Variants in FER observed in about 807,000 individuals in gnomAD.
The protein encoded by FER is FER tyrosine kinase.
A neutral mutation model predicts 111.0 loss-of-function variants in FER; 63 were observed. That is an observed-to-expected ratio of 0.57 (90% confidence interval 0.46 to 0.70). The LOEUF is 0.70. Among genes scored for constraint, FER ranks in the 30% least tolerant of loss-of-function variants. FER has a pLI of 0.00. For synonymous variants in FER, 327 were observed against 313.9 expected (o/e 1.04, Z -0.44); for missense variants, 914 against 954.0 (o/e 0.96, Z 0.55).
rs369414329 is a variant in FER, at chr5:109,155,801, A to T, written c.2049-24946A>T. 7.2e-5 allele frequency among the ~76,000 whole-genome samples: 11 copies of T among 152,074 alleles called. No homozygotes were observed. In the East Asian group the frequency reaches 1.7e-3, roughly 24 times the overall value. ...AAATGAAGCCAGCATGAACTCAAAA[A>T]CATTTCTTTCTCTTCATTTCCTGAG... On this transcript the variant is annotated intron_variant, in intron 17 of 19. Transcript: ENST00000281092.
At chr5:109,093,214 ATT>A (rs1318494276) in intron 16 of FER, among the ~76,000 whole-genome samples, 1 of 152,220 alleles carries the variant, frequency 6.6e-6, no homozygotes, top group Non-Finnish European at 1.5e-5. Context: ...TGGACTGTAC[ATT>A]TAAAAATTGT....
intron 13 of FER, among the ~76,000 whole-genome samples, chr5:108,986,495 G>A (rs1762591960): frequency 6.6e-6 from 1 of 151,774 alleles, no homozygotes; most frequent in African/African-American, 2.4e-5. Context: ...TTTGCTTTTG[G>A]GTTCTTGGTT....
chr5:108,778,677 T>C (rs2149988931), intron 2 of FER, among the ~76,000 whole-genome samples: 1 of 152,348 alleles, frequency 6.6e-6, no homozygotes, highest in Middle Eastern at 3.4e-3. Flanking sequence ...TAAATTGGGT[T>C]GTTTTCTTAT....
At chr5:109,017,204 G>C (rs1284107413) in intron 13 of FER, among the ~76,000 whole-genome samples, 2 of 151,960 alleles carry the variant, frequency 1.3e-5, no homozygotes, top group Non-Finnish European at 2.9e-5. Context: ...ATGTGAGCTT[G>C]AGAGGATTGC....
intron 2 of FER, among the ~76,000 whole-genome samples, chr5:108,789,020 T>TA (rs1755060258): frequency 6.6e-6 from 1 of 152,052 alleles, no homozygotes; most frequent in African/African-American, 2.4e-5. Flanking sequence ...TCTTATGTCT[T>TA]ATTAGCTCCC....
intron 5 of FER, among the ~76,000 whole-genome samples, chr5:108,857,830 C>T (rs181764597): frequency 4.9e-4 from 75 of 152,224 alleles, no homozygotes; most frequent in African/African-American, 1.7e-3. Context: ...CTATCATGCT[C>T]GGATTTGGCC....
At chr5:108,819,787 G>C in intron 3 of FER, 1 of 984,786 alleles carries the variant, frequency 1.0e-6, no homozygotes, top group South Asian at 4.7e-5. Flanking sequence ...AGAAGGAAGT[G>C]TCTTGAGTAT....
chr5:109,118,558 T>C (rs540552552), intron 17 of FER, among the ~76,000 whole-genome samples: 1 of 152,312 alleles, frequency 6.6e-6, no homozygotes, highest in South Asian at 2.1e-4. Context: ...TTTCTATTGA[T>C]TGGAATAGTT....
chr5:109,129,255 T>A (rs1464061380), intron 17 of FER, among the ~76,000 whole-genome samples: 1 of 152,060 alleles, frequency 6.6e-6, no homozygotes, highest in African/African-American at 2.4e-5. Context: ...TTCAGCAGTT[T>A]GTTCTGTTTG....
intron 2 of FER, among the ~76,000 whole-genome samples, chr5:108,770,868 A>G (rs1278724098): frequency 1.3e-5 from 2 of 152,178 alleles, no homozygotes; most frequent in Admixed American, 1.3e-4. Context: ...ATAAACCTTA[A>G]AATAAATCTG....
At chr5:108,785,399 A>G in intron 2 of FER, 5 of 588,204 alleles carry the variant, frequency 8.5e-6, no homozygotes, top group Middle Eastern at 3.5e-4. Flanking sequence ...GGTAAATATC[A>G]TCGTAGATGA....
intron 18 of FER, among the ~76,000 whole-genome samples, chr5:109,182,473 C>T (rs574297669): frequency 1.3e-5 from 2 of 152,100 alleles, no homozygotes; most frequent in Non-Finnish European, 2.9e-5. Flanking sequence ...TTGTTATTAA[C>T]TCTAGGGTCA....
At chr5:109,041,761 G>C (rs1358236753) in intron 14 of FER, among the ~76,000 whole-genome samples, 1 of 152,166 alleles carries the variant, frequency 6.6e-6, no homozygotes, top group Non-Finnish European at 1.5e-5. Flanking sequence ...GTAAATGACA[G>C]CTGGAGTGAG....
intron 17 of FER, 147 bp downstream of exon 17, chr5:109,100,666 T>A (rs1283840062): frequency 6.3e-6 from 5 of 787,720 alleles, no homozygotes; most frequent in African/African-American, 1.8e-5. Flanking sequence ...CCTCTGCTAG[T>A]TGTTTATATA....
At chr5:108,938,853 T>C (rs1388690037) in intron 10 of FER, among the ~76,000 whole-genome samples, 2 of 152,014 alleles carry the variant, frequency 1.3e-5, no homozygotes, top group Non-Finnish European at 2.9e-5. Flanking sequence ...ATGACTGATG[T>C]AGAGTGGACA....
chr5:108,893,092 C>T (rs547485938), intron 9 of FER, among the ~76,000 whole-genome samples: 1 of 152,222 alleles, frequency 6.6e-6, no homozygotes, highest in South Asian at 2.1e-4. Context: ...AGTTTGAAGT[C>T]AGGTATCGTG....
In FER at chr5:108,933,577, G is replaced by T. The variant is rs897792312; in HGVS notation, c.1237-12553G>T. 5.0e-4 allele frequency among the ~76,000 whole-genome samples: 76 copies of T among 152,070 alleles called. 1 individual carries two copies. The highest frequency in any genetic ancestry group is 1.7e-3 in the African/African-American group (71 of 41,486). ...GCTTAGGATTATCTTGGCTGTATAG[G>T]CTCATTTTTGGTTCCATATGAAATT... On this transcript the variant is annotated intron_variant, in intron 10 of 19. Coordinates refer to ENST00000281092, the MANE Select transcript of FER (RefSeq NM_005246.4).
rs542724957 is a variant in FER, at chr5:109,093,393, TAGA to T, written c.1925-7000_1925-6998del. Among the ~76,000 whole-genome samples, 157 of 152,310 alleles carry T rather than the reference TAGA, an allele frequency of 1.0e-3. 1 individual carries two copies. The highest frequency in any genetic ancestry group is 2.0e-3 in the Non-Finnish European group (134 of 68,010). On this transcript the variant is annotated intron_variant, in intron 16 of 19. Coordinates refer to ENST00000281092, the MANE Select transcript of FER (RefSeq NM_005246.4). ...TCAATATAATATTTCTGTAATCTGA[TAGA>T]AGTAGTTTTATAATTGGTGAATGTA...
intron 5 of FER, among the ~76,000 whole-genome samples, chr5:108,856,187 A>G (rs1346927375): frequency 6.6e-6 from 1 of 152,160 alleles, no homozygotes; most frequent in Non-Finnish European, 1.5e-5. Flanking sequence ...ATTCAGATAA[A>G]AAGGTTAGAT....
Sources: gnomAD v4.1 joint callset for allele counts (sites outside exome capture counted in the v4.1 genomes callset) on GRCh38, gnomAD v4.1.1 for gene constraint, MANE v1.5 for transcripts, NCBI Gene and HGNC (gene_info 2026-07-23, HGNC 2026-07-21) for gene names.